The following DPP10 variants were observed in gnomAD, a reference collection of about 807,000 sequenced individuals.
DPP10 encodes inactive dipeptidyl peptidase 10.
A neutral mutation model predicts 120.9 loss-of-function variants in DPP10; 33 were observed. The observed-to-expected ratio is 0.27, with a 90% CI of 0.21 to 0.37. DPP10 has a LOEUF of 0.37. Among genes scored for constraint, DPP10 ranks in the 10% least tolerant of loss-of-function variants. The pLI is 1.00. For synonymous variants in DPP10, 337 were observed against 326.1 expected (o/e 1.03, Z -0.36); for missense variants, 816 against 942.8 (o/e 0.87, Z 1.76).
chr2:114,852,602 A>G (rs556107524), intron 1 of DPP10, among the ~76,000 whole-genome samples: 27 of 152,204 alleles, frequency 1.8e-4, no homozygotes, highest in Admixed American at 1.7e-3. Context: ...AGACTTGGGC[A>G]TCTGTGGATT....
At chr2:115,531,690 T>C (rs918612478) in intron 5 of DPP10, among the ~76,000 whole-genome samples, 4 of 152,090 alleles carry the variant, frequency 2.6e-5, no homozygotes, top group African/African-American at 9.7e-5. Flanking sequence ...AACATACCTA[T>C]AGGAGCTTGC....
chr2:114,960,126 A>G (rs1245294089), intron 1 of DPP10, among the ~76,000 whole-genome samples: 1 of 152,162 alleles, frequency 6.6e-6, no homozygotes, highest in East Asian at 1.9e-4. Context: ...CTACTATTTG[A>G]AGATTTAAAA....
intron 1 of DPP10, among the ~76,000 whole-genome samples, chr2:114,648,641 G>A (rs973049289): frequency 6.6e-6 from 1 of 152,174 alleles, no homozygotes; most frequent in South Asian, 2.1e-4. Flanking sequence ...GGCTTATGAT[G>A]GAGGGATTCA....
intron 5 of DPP10, among the ~76,000 whole-genome samples, chr2:115,580,528 A>G (rs1417624854): frequency 6.6e-6 from 1 of 152,090 alleles, no homozygotes; most frequent in East Asian, 1.9e-4. Flanking sequence ...AATTCTTCCT[A>G]TCTTCCTCTT....
intron 4 of DPP10, among the ~76,000 whole-genome samples, chr2:115,501,895 A>G (rs1015028677): frequency 6.6e-6 from 1 of 152,194 alleles, no homozygotes; most frequent in Admixed American, 6.6e-5. Flanking sequence ...TTATTGAAAC[A>G]TATTGCTGGT....
intron 19 of DPP10, among the ~76,000 whole-genome samples, chr2:115,812,942 T>G (rs1214251124): frequency 1.4e-5 from 2 of 144,758 alleles, no homozygotes; most frequent in East Asian, 2.2e-4. Flanking sequence ...CCACCATAAC[T>G]AAATATCTCT....
intron 1 of DPP10, among the ~76,000 whole-genome samples, chr2:114,504,944 C>A (rs759429157): frequency 1.4e-5 from 2 of 147,142 alleles, no homozygotes; most frequent in Non-Finnish European, 3.0e-5. Context: ...CCCAGCTACT[C>A]GGGAGGCTGA....
intron 5 of DPP10, among the ~76,000 whole-genome samples, chr2:115,679,519 C>T (rs1379534221): frequency 6.6e-6 from 1 of 152,176 alleles, no homozygotes; most frequent in Non-Finnish European, 1.5e-5. Flanking sequence ...AATTAAACCT[C>T]TTTTCTTTGT....
chr2:114,863,739 T>C (rs1435828891), intron 1 of DPP10, among the ~76,000 whole-genome samples: 1 of 152,236 alleles, frequency 6.6e-6, no homozygotes, highest in Non-Finnish European at 1.5e-5. Flanking sequence ...GGATAGCACA[T>C]CTGCATTTCC....
intron 1 of DPP10, among the ~76,000 whole-genome samples, chr2:115,237,363 TTG>T (rs1358548389): frequency 1.3e-5 from 2 of 152,156 alleles, no homozygotes; most frequent in Non-Finnish European, 2.9e-5. Context: ...TCAATAAATG[TTG>T]TGTGTGTTCT....
chr2:115,524,880 T>C (rs945924912), intron 4 of DPP10, among the ~76,000 whole-genome samples: 5 of 152,112 alleles, frequency 3.3e-5, no homozygotes, highest in African/African-American at 7.2e-5. Context: ...AGACCAAATA[T>C]ATATTTTATT....
intron 3 of DPP10, among the ~76,000 whole-genome samples, chr2:115,348,333 A>G (rs1198582180): frequency 1.3e-5 from 2 of 152,198 alleles, no homozygotes; most frequent in East Asian, 3.8e-4. Context: ...ATCATGATCT[A>G]GAAAAGTGAA....
intron 1 of DPP10, among the ~76,000 whole-genome samples, chr2:114,522,678 C>T (rs868572270): frequency 3.3e-5 from 5 of 152,086 alleles, no homozygotes; most frequent in Non-Finnish European, 7.3e-5. Context: ...TTAATCCATT[C>T]TTAAGCTGCT....
intron 1 of DPP10, among the ~76,000 whole-genome samples, chr2:114,632,167 G>T (rs1694972484): frequency 6.6e-6 from 1 of 151,978 alleles, no homozygotes; most frequent in Non-Finnish European, 1.5e-5. Context: ...TTCTTATTAT[G>T]TCATATCAGA....
chr2:115,010,006 A>G lies in DPP10; in HGVS notation c.61-299233A>G, dbSNP rs1250174911. Among the ~76,000 whole-genome samples the G allele has an allele frequency of 7.2e-5, 11 of 152,220 alleles. No homozygotes were observed. In the East Asian group the frequency reaches 2.1e-3, roughly 29 times the overall value. On this transcript the variant is annotated intron_variant, in intron 1 of 25. Transcript: ENST00000410059. Reference sequence around the variant, plus strand: ...GGCATCTACTTCTTCATTTTGTTAAAATAAAACATAATTGAATATTTTTGT... The same window carrying G: ...GGCATCTACTTCTTCATTTTGTTAAGATAAAACATAATTGAATATTTTTGT...
intron 5 of DPP10, among the ~76,000 whole-genome samples, chr2:115,568,842 G>C (rs1017522438): frequency 2.6e-5 from 4 of 152,114 alleles, no homozygotes; most frequent in African/African-American, 9.7e-5. Context: ...ATAATGTTGA[G>C]TCAGCATTAA....
chr2:114,501,325 G>A (rs1252627945), intron 1 of DPP10, among the ~76,000 whole-genome samples: 1 of 152,156 alleles, frequency 6.6e-6, no homozygotes, highest in Non-Finnish European at 1.5e-5. Flanking sequence ...TGGTGAGTGT[G>A]CAATGAATAC....
intron 5 of DPP10, among the ~76,000 whole-genome samples, chr2:115,561,836 G>A (rs182440814): frequency 1.3e-5 from 2 of 152,104 alleles, no homozygotes; most frequent in East Asian, 1.9e-4. Context: ...GTTCTGCATC[G>A]CTTTGCCGCT....
intron 1 of DPP10, among the ~76,000 whole-genome samples, chr2:115,047,361 T>C (rs1277353618): frequency 1.3e-5 from 2 of 152,050 alleles, no homozygotes; most frequent in African/African-American, 2.4e-5. Flanking sequence ...CAATACTAAA[T>C]GTTAATTAAA....
Sources: allele counts gnomAD v4.1 joint callset (sites outside exome capture counted in the v4.1 genomes callset), GRCh38; gene constraint gnomAD v4.1.1; transcripts MANE v1.5; gene names NCBI Gene and HGNC (gene_info 2026-07-23, HGNC 2026-07-21).